The following EFCAB10 variants were observed in gnomAD, a reference collection of about 807,000 sequenced individuals.
EFCAB10 encodes EF-hand calcium-binding domain-containing protein 10.
EFCAB10 carries 7 observed loss-of-function variants against 7.7 expected under a neutral mutation model. That is an observed-to-expected ratio of 0.91 (90% confidence interval 0.52 to 1.72). EFCAB10 has a LOEUF of 1.72. Among genes scored for constraint, EFCAB10 ranks in the 40% most tolerant of loss-of-function variants. The pLI is 0.00. For synonymous variants in EFCAB10, 52 were observed against 21.0 expected (o/e 2.47, Z -4.03); for missense variants, 112 against 61.5 (o/e 1.82, Z -2.74).
At chr7:105,567,102 T>G in intron 4 of EFCAB10, 1 of 1,466,198 alleles carries the variant, frequency 6.8e-7, no homozygotes, top group Non-Finnish European at 9.1e-7. Flanking sequence ...TTTCCCTCCT[T>G]TGTTTTCCCT....
rs555359991 is a variant in EFCAB10 at position 105,567,090 on chromosome 7, C to T, written c.383+377G>A. ...TAATTGATGCAGATAATGGAGATCT[C>T]ATTTCCCTCCTTTGTTTTCCCTAAA... On this transcript the variant is annotated intron_variant, in intron 4 of 4. Coordinates refer to ENST00000480514, the MANE Select transcript of EFCAB10 (RefSeq NM_001355526.2). 1.5e-5 allele frequency: 21 copies of T among 1,412,270 alleles called. No homozygotes were observed. In the East Asian group the frequency reaches 5.2e-4, roughly 35 times the overall value. The allele number at this position is 1,412,270 out of a possible 1,614,324, so 87.5% of individuals were successfully genotyped here. A position where few individuals can be genotyped will look rare whatever the true frequency, so the allele number is the denominator to read the frequency against.
intron 1 of EFCAB10, chr7:105,573,663 A>T (rs1792001539): frequency 6.6e-6 from 1 of 152,214 alleles, no homozygotes; most frequent in Non-Finnish European, 1.5e-5. Flanking sequence ...TTCAAGGGAT[A>T]CAATGTTCAG....
At chr7:105,578,565 T>C (rs958895286) in intron 1 of EFCAB10, among the ~76,000 whole-genome samples, 2 of 151,926 alleles carry the variant, frequency 1.3e-5, no homozygotes, top group Non-Finnish European at 2.9e-5. Flanking sequence ...ACAAAACCAT[T>C]CCAAGGCATA....
In EFCAB10 at chr7:105,572,719, G is replaced by C. The variant is rs112652585; in HGVS notation, c.107-3148C>G. The C allele has an allele frequency of 3.3e-3, 509 of 152,320 alleles. 3 individuals are homozygous for C. The highest frequency in any genetic ancestry group is 0.012 in the African/African-American group (480 of 41,556). 9.4% of individuals were successfully genotyped at this position (152,320 alleles called of 1,614,324 possible). Reference sequence around the variant, plus strand: ...ATCTTTTGTTAGCGTTTTAGAGATGGGGTCTCATTATGTTGCTCAGGCTGG... The same window carrying C: ...ATCTTTTGTTAGCGTTTTAGAGATGCGGTCTCATTATGTTGCTCAGGCTGG... On this transcript the variant is annotated intron_variant, in intron 1 of 4. Transcript: ENST00000480514.
chr7:105,573,938 T>A (rs1417752718), intron 1 of EFCAB10, among the ~76,000 whole-genome samples: 2 of 152,124 alleles, frequency 1.3e-5, no homozygotes, highest in Non-Finnish European at 2.9e-5. Context: ...TTCAAATTCA[T>A]TTTACTCTAC....
chr7:105,576,366 T>C (rs1792078177), intron 1 of EFCAB10, among the ~76,000 whole-genome samples: 1 of 152,192 alleles, frequency 6.6e-6, no homozygotes, highest in South Asian at 2.1e-4. Flanking sequence ...CTTCTTATTC[T>C]GGCTCAGTGT....
chr7:105,567,835 A>C (rs540065732), intron 3 of EFCAB10, among the ~76,000 whole-genome samples: 2 of 152,064 alleles, frequency 1.3e-5, no homozygotes, highest in Admixed American at 6.6e-5. Context: ...GTGCGAAAAC[A>C]TCCTGGCCAA....
In EFCAB10 at chr7:105,572,728, T is replaced by G. The variant is rs539756826; in HGVS notation, c.107-3157A>C. Reference sequence around the variant, plus strand: ...TAGCGTTTTAGAGATGGGGTCTCATTATGTTGCTCAGGCTGGTCTTGAACT... The same window carrying G: ...TAGCGTTTTAGAGATGGGGTCTCATGATGTTGCTCAGGCTGGTCTTGAACT... On this transcript the variant is annotated intron_variant, in intron 1 of 4. Transcript: ENST00000480514. 3.9e-5 allele frequency: 6 copies of G among 152,382 alleles called. No homozygotes were observed. The East Asian group carries it at 9.6e-4, about 24-fold the overall frequency. 9.4% of individuals were successfully genotyped at this position (152,382 alleles called of 1,614,324 possible).
In EFCAB10 at chr7:105,565,356, C is replaced by G. The variant is rs780062646; in HGVS notation, c.*91G>C. 5.0e-6 allele frequency: 8 copies of G among 1,614,050 alleles called. No homozygotes were observed. The African/African-American group carries it at 5.3e-5, about 11-fold the overall frequency. ...GGCTTGCCCGTTGCTGCTGACGTTA[C>G]GAGACCATTTACTTCAGTTGGAGCA... On this transcript the variant is annotated 3_prime_UTR_variant, in exon 5 of 5. Coordinates refer to ENST00000480514, the MANE Select transcript of EFCAB10 (RefSeq NM_001355526.2).
Position 105,581,476 on chromosome 7 carries a change from C to G in EFCAB10, c.-13G>C. On this transcript the variant is annotated 5_prime_UTR_variant, in exon 1 of 5. Transcript: ENST00000480514. ...TGCTGGTCTCCATCGCTCCGCGTCC[C>G]GCTGTTGCTAGGCGACTGCCTGGCG... The G allele has an allele frequency of 2.8e-6, 2 of 702,922 alleles. No homozygotes were observed. The highest frequency in any genetic ancestry group is 2.6e-6 in the Non-Finnish European group (1 of 384,854). 43.5% of individuals were successfully genotyped at this position (702,922 alleles called of 1,614,324 possible).
chr7:105,567,639 G>C, intron 3 of EFCAB10, 149 bp from the exon 4 acceptor site: 1 of 538,142 alleles, frequency 1.9e-6, no homozygotes, highest in Non-Finnish European at 3.3e-6. Flanking sequence ...ATTCTGTTGT[G>C]GATAATCAAA....
At chr7:105,576,557 C>T (rs1168145061) in intron 1 of EFCAB10, among the ~76,000 whole-genome samples, 2 of 152,316 alleles carry the variant, frequency 1.3e-5, no homozygotes, top group East Asian at 3.9e-4. Context: ...ATTCTTCTGC[C>T]TCAGCCTCCT....
chr7:105,572,287 G>A (rs889023223), intron 1 of EFCAB10: 1 of 152,066 alleles, frequency 6.6e-6, no homozygotes, highest in African/African-American at 2.4e-5. Context: ...ATATAATTAA[G>A]ATCATGAGGT....
Position 105,574,934 on chromosome 7 carries a change from TAAAAAAA to T in EFCAB10, c.107-5370_107-5364del, listed in dbSNP as rs1209254689. Among the ~76,000 whole-genome samples the T allele has an allele frequency of 9.8e-4, 101 of 103,566 alleles. 1 individual carries two copies. Among genetic ancestry groups the T allele is most frequent in the African/African-American group, 3.0e-3 (90 of 30,066 alleles). The allele number at this position is 103,566 out of a possible 152,430, so 67.9% of individuals were successfully genotyped here. A position where few individuals can be genotyped will look rare whatever the true frequency, so the allele number is the denominator to read the frequency against. ...AACATGGTGAAACTCTATCCCTACT[TAAAAAAA>T]AAAAAAAAAAAAAAAATCAAAAAAT... On this transcript the variant is annotated intron_variant, in intron 1 of 4. Transcript: ENST00000480514.
chr7:105,570,765 C>T (rs1467048704), intron 1 of EFCAB10, among the ~76,000 whole-genome samples: 2 of 152,118 alleles, frequency 1.3e-5, no homozygotes, highest in African/African-American at 4.8e-5. Flanking sequence ...TGGCTCACGC[C>T]TGTAATCCCA....
intron 1 of EFCAB10, chr7:105,571,048 G>T (rs1174968670): frequency 6.6e-6 from 1 of 151,974 alleles, no homozygotes; most frequent in Non-Finnish European, 1.5e-5. Flanking sequence ...TTTTTTTTAA[G>T]TTACATCATT....
intron 1 of EFCAB10, among the ~76,000 whole-genome samples, chr7:105,577,007 T>C (rs1792097397): frequency 6.6e-6 from 1 of 151,540 alleles, no homozygotes; most frequent in Non-Finnish European, 1.5e-5. Flanking sequence ...TGAGCCAAGA[T>C]GTGCCACTGT....
rs1050028802 is a variant in EFCAB10, at chr7:105,577,076, A to G, written c.106+4282T>C. ...TTAAAAAAAAAAAAAAGTGGTACCCATGTCTCAGTTTTAAAAAAACAGCTA... is the reference window on the plus strand; with the variant it reads ...TTAAAAAAAAAAAAAAGTGGTACCCGTGTCTCAGTTTTAAAAAAACAGCTA... On this transcript the variant is annotated intron_variant, in intron 1 of 4. Transcript: ENST00000480514. Among the ~76,000 whole-genome samples the G allele has an allele frequency of 4.0e-5, 6 of 149,862 alleles. No individual in the cohort carries two copies. In the East Asian group the frequency reaches 5.8e-4, roughly 15 times the overall value.
intron 1 of EFCAB10, among the ~76,000 whole-genome samples, chr7:105,576,169 C>G (rs1247895094): frequency 2.0e-5 from 3 of 152,102 alleles, no homozygotes; most frequent in Admixed American, 1.3e-4. Flanking sequence ...TACGAAAGAA[C>G]AGATCTCATG....
Sources: allele counts gnomAD v4.1 joint callset (sites outside exome capture counted in the v4.1 genomes callset), GRCh38; gene constraint gnomAD v4.1.1; transcripts MANE v1.5; gene names NCBI Gene and HGNC (gene_info 2026-07-23, HGNC 2026-07-21).